Variants in SORCS1 observed in about 807,000 individuals in gnomAD.
SORCS1 encodes VPS10 domain-containing receptor SorCS1.
In SORCS1, 60 loss-of-function variants were observed where a neutral mutation model predicts 146.1. That is an observed-to-expected ratio of 0.41 (90% CI 0.33 to 0.51). The LOEUF (loss-of-function observed/expected upper bound fraction) is 0.51, where lower values mean the gene tolerates loss of function less well. Among genes scored for constraint, SORCS1 ranks in the 20% least tolerant of loss-of-function variants. SORCS1 has a pLI of 0.21. For synonymous variants in SORCS1, 637 were observed against 584.0 expected (o/e 1.09, Z -1.31); for missense variants, 1,352 against 1,487.6 (o/e 0.91, Z 1.50).
Position 106,679,476 on chromosome 10 carries a change from C to T in SORCS1, c.1664-144G>A, listed in dbSNP as rs984809973. The T allele has an allele frequency of 5.3e-6, 5 of 938,968 alleles. No homozygotes were observed. In the African/African-American group the frequency reaches 6.6e-5, roughly 12 times the overall value. The allele number at this position is 938,968 out of a possible 1,614,324, so 58.2% of individuals were successfully genotyped here. Reference sequence around the variant, plus strand: ...GTTTTCTGCAGACTTGCTTCAGGTCCAATGGTTTAGGTGCCTTTCAAAATT... The same window carrying T: ...GTTTTCTGCAGACTTGCTTCAGGTCTAATGGTTTAGGTGCCTTTCAAAATT... On this transcript the variant is annotated intron_variant, in intron 11 of 25. Transcript: ENST00000263054.
At chr10:106,620,749 A>G (rs532027289) in intron 19 of SORCS1, among the ~76,000 whole-genome samples, 188 bp from the exon 20 acceptor site, 1 of 152,348 alleles carries the variant, frequency 6.6e-6, no homozygotes, top group Admixed American at 6.5e-5. Flanking sequence ...TTGCATCTTG[A>G]CATTTTGCAC....
At chr10:106,681,828 T>A (rs1852454976) in intron 10 of SORCS1, among the ~76,000 whole-genome samples, 1 of 152,082 alleles carries the variant, frequency 6.6e-6, no homozygotes. Flanking sequence ...CAGTTGCCAT[T>A]ACAAAAGAAA....
intron 5 of SORCS1, among the ~76,000 whole-genome samples, chr10:106,752,142 T>C (rs1444348512): frequency 4.6e-5 from 7 of 152,204 alleles, no homozygotes; most frequent in Non-Finnish European, 7.3e-5. Context: ...CTGAATATGT[T>C]CATCCTAAAT....
intron 1 of SORCS1, among the ~76,000 whole-genome samples, chr10:107,114,897 C>A (rs1157244947): frequency 6.6e-6 from 1 of 152,046 alleles, no homozygotes; most frequent in Non-Finnish European, 1.5e-5. Flanking sequence ...TAAATAAATT[C>A]AGTAAAGTTA....
At chr10:107,135,325 G>A (rs1255001270) in intron 1 of SORCS1, among the ~76,000 whole-genome samples, 3 of 152,170 alleles carry the variant, frequency 2.0e-5, no homozygotes, top group African/African-American at 7.2e-5. Context: ...ACAGTGCTTT[G>A]CACATAGTAC....
intron 2 of SORCS1, among the ~76,000 whole-genome samples, chr10:106,862,822 G>C (rs1382271182): frequency 7.1e-6 from 1 of 140,896 alleles, no homozygotes; most frequent in African/African-American, 2.6e-5. Context: ...TCAGCATTCT[G>C]ATTCTGCAGA....
At chr10:106,669,641 A>G (rs1355833891) in intron 16 of SORCS1, among the ~76,000 whole-genome samples, 1 of 152,228 alleles carries the variant, frequency 6.6e-6, no homozygotes, top group African/African-American at 2.4e-5. Context: ...TTGTAATAAT[A>G]TTGCACTGAC....
intron 2 of SORCS1, among the ~76,000 whole-genome samples, chr10:106,861,502 G>A (rs1463599217): frequency 2.0e-5 from 3 of 151,912 alleles, no homozygotes; most frequent in Non-Finnish European, 4.4e-5. Flanking sequence ...ACATACATAT[G>A]CAAATTATGA....
At chr10:106,999,899 T>G (rs1957147207) in intron 1 of SORCS1, among the ~76,000 whole-genome samples, 2 of 151,396 alleles carry the variant, frequency 1.3e-5, no homozygotes, top group Non-Finnish European at 2.9e-5. Flanking sequence ...TGGTTGAAAA[T>G]ATACCTGGAT....
intron 21 of SORCS1, among the ~76,000 whole-genome samples, chr10:106,613,938 C>T (rs1171816895): frequency 6.6e-6 from 1 of 152,144 alleles, no homozygotes; most frequent in Admixed American, 6.5e-5. Flanking sequence ...TCAGTCTCAC[C>T]CCGAGAGGCC....
chr10:106,731,543 A>C (rs558231211), intron 5 of SORCS1, among the ~76,000 whole-genome samples: 1 of 152,308 alleles, frequency 6.6e-6, no homozygotes, highest in Non-Finnish European at 1.5e-5. Flanking sequence ...TTTAAGACAC[A>C]AGTGAAAAGT....
At chr10:107,053,844 G>A (rs1394411830) in intron 1 of SORCS1, among the ~76,000 whole-genome samples, 2 of 152,124 alleles carry the variant, frequency 1.3e-5, no homozygotes, top group African/African-American at 4.8e-5. Context: ...CACACACCTT[G>A]TCTGCATTTC....
chr10:106,954,644 C>T (rs1020302308), intron 2 of SORCS1, among the ~76,000 whole-genome samples: 2 of 152,118 alleles, frequency 1.3e-5, no homozygotes, highest in Non-Finnish European at 2.9e-5. Flanking sequence ...GGTACAAATC[C>T]CTTAGCGTAG....
intron 18 of SORCS1, among the ~76,000 whole-genome samples, chr10:106,635,177 C>A (rs1848658788): frequency 6.6e-6 from 1 of 152,132 alleles, no homozygotes; most frequent in Admixed American, 6.5e-5. Context: ...AACACTGGGA[C>A]AATAAATGCT....
At chr10:106,925,698 A>T (rs1952980110) in intron 2 of SORCS1, among the ~76,000 whole-genome samples, 1 of 152,202 alleles carries the variant, frequency 6.6e-6, no homozygotes, top group Admixed American at 6.5e-5. Context: ...CATTTTACAT[A>T]TCATTACTTC....
intron 25 of SORCS1, chr10:106,579,028 T>C: frequency 1.3e-6 from 2 of 1,591,204 alleles, no homozygotes; most frequent in Non-Finnish European, 1.7e-6. Context: ...AGAAAGGGGT[T>C]AGAGAGAGAG....
At chr10:107,171,091 T>C in the SORCS1 span, among the ~76,000 whole-genome samples, 1 of 152,342 alleles carries the variant, frequency 6.6e-6, no homozygotes, top group African/African-American at 2.4e-5. Context: ...GCTGTTAAAG[T>C]TGCTTCATAC....
chr10:107,065,510 C>CTCCTCTCCTCTCCTCTCCTCTCCTCTCTT lies in SORCS1; in HGVS notation c.558+98458_558+98459insAAGAGAGGAGAGGAGAGGAGAGGAGAGGA, dbSNP rs71025577. Among the ~76,000 whole-genome samples, 37 of 86,408 alleles carry CTCCTCTCCTCTCCTCTCCTCTCCTCTCTT rather than the reference C, an allele frequency of 4.3e-4. 1 individual carries two copies. The highest frequency in any genetic ancestry group is 1.8e-3 in the African/African-American group (35 of 19,308). 56.7% of individuals were successfully genotyped at this position (86,408 alleles called of 152,430 possible). On this transcript the variant is annotated intron_variant, in intron 1 of 25. Transcript: ENST00000263054. ...CTCCTCTCCTCTCCTCTCCTCTCCTCTCTTTCTTTCTTTCTTTCTTTCTCT... is the reference window on the plus strand; with the variant it reads ...CTCCTCTCCTCTCCTCTCCTCTCCTCTCCTCTCCTCTCCTCTCCTCTCCTCTCTTTCTTTCTTTCTTTCTTTCTTTCTCT...
At chr10:106,764,771 C>A (rs1271195704) in intron 4 of SORCS1, among the ~76,000 whole-genome samples, 1 of 152,108 alleles carries the variant, frequency 6.6e-6, no homozygotes, top group Non-Finnish European at 1.5e-5. Context: ...CGCCTGTAAT[C>A]CCAGCACTTT....
Sources: allele counts gnomAD v4.1 joint callset (sites outside exome capture counted in the v4.1 genomes callset), GRCh38; gene constraint gnomAD v4.1.1; transcripts MANE v1.5; gene names NCBI Gene and HGNC (gene_info 2026-07-23, HGNC 2026-07-21).